The following ETS1 variants were observed in gnomAD, a reference collection of about 807,000 sequenced individuals.
ETS1 encodes the protein protein C-ets-1.
A neutral mutation model predicts 58.6 loss-of-function variants in ETS1; 15 were observed. The observed-to-expected ratio is 0.26, with a 90% CI of 0.17 to 0.39. The LOEUF (loss-of-function observed/expected upper bound fraction) is 0.39, where lower values mean the gene tolerates loss of function less well. Ranked by LOEUF, ETS1 falls within the 10% of genes least tolerant of loss-of-function variation. The probability of loss-of-function intolerance (pLI) is 1.00; values close to 1 mark genes in which losing one functional copy is unlikely to be tolerated. For missense variants in ETS1, 417 were observed against 610.5 expected (o/e 0.68, Z 3.34); for synonymous variants, 214 against 218.2 (o/e 0.98, Z 0.17).
chr11:128,576,711 C>T (rs1286579180), intron 1 of ETS1, among the ~76,000 whole-genome samples: 1 of 152,032 alleles, frequency 6.6e-6, no homozygotes, highest in Admixed American at 6.5e-5. Flanking sequence ...TCTCCAGCCC[C>T]CTCTCGCCGT....
intron 8 of ETS1, among the ~76,000 whole-genome samples, chr11:128,476,870 A>G (rs964543121): frequency 6.6e-6 from 1 of 152,246 alleles, no homozygotes; most frequent in African/African-American, 2.4e-5. Context: ...CATTTGATGT[A>G]TTCTTAACTC....
chr11:128,572,395 GAC>G (rs1254287671), intron 2 of ETS1: 2 of 152,046 alleles, frequency 1.3e-5, no homozygotes, highest in African/African-American at 4.8e-5. Flanking sequence ...AATAATTAAT[GAC>G]ACAGCTGCTG....
At chr11:128,503,954 G>A (rs1206820236) in intron 3 of ETS1, among the ~76,000 whole-genome samples, 1 of 152,146 alleles carries the variant, frequency 6.6e-6, no homozygotes, top group Non-Finnish European at 1.5e-5. Context: ...AACCGATGGT[G>A]CCGCCCCAAC....
At chr11:128,524,767 C>A (rs970907527) in intron 3 of ETS1, among the ~76,000 whole-genome samples, 12 of 152,158 alleles carry the variant, frequency 7.9e-5, no homozygotes, top group Admixed American at 2.6e-4. Flanking sequence ...GAACTATCAA[C>A]TTTTTGGTCA....
rs146204539 is a variant in ETS1, at chr11:128,466,088, T to C, written c.1124-2461A>G. Among the ~76,000 whole-genome samples, 425 of 152,334 alleles carry C rather than the reference T, an allele frequency of 2.8e-3. 3 individuals are homozygous for C. Among genetic ancestry groups the C allele is most frequent in the South Asian group, 0.015 (71 of 4,834 alleles). On this transcript the variant is annotated intron_variant, in intron 8 of 9. Coordinates refer to ENST00000392668, the MANE Select transcript of ETS1 (RefSeq NM_001143820.2). Reference sequence around the variant, plus strand: ...CTCTCTCCCCTACTTCTCACAGCAGTTGCAGGACACGGGATAGCCAGTGGT... The same window carrying C: ...CTCTCTCCCCTACTTCTCACAGCAGCTGCAGGACACGGGATAGCCAGTGGT...
chr11:128,542,504 T>C (rs2135543681), intron 3 of ETS1, among the ~76,000 whole-genome samples: 1 of 152,292 alleles, frequency 6.6e-6, no homozygotes, highest in Non-Finnish European at 1.5e-5. Flanking sequence ...CTAGTTTGAT[T>C]CAGGTTTCTG....
intron 3 of ETS1, among the ~76,000 whole-genome samples, chr11:128,516,989 T>C (rs184850246): frequency 1.9e-3 from 292 of 152,282 alleles, no homozygotes; most frequent in African/African-American, 6.6e-3. Flanking sequence ...CCTTCCTACC[T>C]GTGAGAGAGC....
chr11:128,553,858 G>A (rs552477955), intron 3 of ETS1, among the ~76,000 whole-genome samples: 4 of 152,142 alleles, frequency 2.6e-5, no homozygotes, highest in South Asian at 2.1e-4. Context: ...GAGCATGAAC[G>A]TGAAGGGGGA....
At chr11:128,538,469 G>A (rs899376882) in intron 3 of ETS1, among the ~76,000 whole-genome samples, 5 of 152,012 alleles carry the variant, frequency 3.3e-5, no homozygotes, top group African/African-American at 7.3e-5. Context: ...CCCAAGGACC[G>A]GTACAGTGTT....
chr11:128,463,660 C>G lies in ETS1; in HGVS notation c.1124-33G>C. On this transcript the variant is annotated intron_variant, in intron 8 of 9. Transcript: ENST00000392668. This position sits in a 1 kb window ranked among gnomAD's most constrained non-coding sequence, Gnocchi z 4.1. ...CACAAGCCATTGTGAATCATTACACCAGATATTCAGCACTCTACGCAGCTA... is the reference window on the plus strand; with the variant it reads ...CACAAGCCATTGTGAATCATTACACGAGATATTCAGCACTCTACGCAGCTA... The G allele has an allele frequency of 8.5e-7, 1 of 1,180,816 alleles. No homozygotes were observed. The highest frequency in any genetic ancestry group is 1.3e-6 in the Non-Finnish European group (1 of 785,318). The allele number at this position is 1,180,816 out of a possible 1,614,324, so 73.1% of individuals were successfully genotyped here.
chr11:128,576,206 G>A (rs1864744398), intron 1 of ETS1, among the ~76,000 whole-genome samples: 1 of 152,148 alleles, frequency 6.6e-6, no homozygotes, highest in South Asian at 2.1e-4. Flanking sequence ...GACAGAAATG[G>A]ATTGCTGCTT....
chr11:128,556,207 G>A (rs1591660181), intron 3 of ETS1, 84 bp downstream of exon 3: 1 of 1,198,578 alleles, frequency 8.3e-7, no homozygotes, highest in Middle Eastern at 2.0e-4. Flanking sequence ...CATGGCAGCT[G>A]TTATTTGAAA....
At chr11:128,540,645 C>T (rs756472462) in intron 3 of ETS1, among the ~76,000 whole-genome samples, 1 of 152,150 alleles carries the variant, frequency 6.6e-6, no homozygotes, top group African/African-American at 2.4e-5. Flanking sequence ...TTTCCATGAC[C>T]TTCTTTTCTA....
At position 128,464,941 on chromosome 11, in the gene ETS1, T is replaced by C; in HGVS notation, c.1124-1314A>G. Among the ~76,000 whole-genome samples, 1 of 152,170 alleles carries C rather than the reference T, an allele frequency of 6.6e-6. No individual in the cohort carries two copies. The highest frequency in any genetic ancestry group is 2.1e-4 in the South Asian group (1 of 4,828). On this transcript the variant is annotated intron_variant, in intron 8 of 9. Coordinates refer to ENST00000392668, the MANE Select transcript of ETS1 (RefSeq NM_001143820.2). This position sits in a 1 kb window ranked among gnomAD's most constrained non-coding sequence, Gnocchi z 4.1. Reference sequence around the variant, plus strand: ...GCACAAGTGGTCTTACGGCTTCCTTTCTAATGGTGCAGAAAAAGTGCTCAG... The same window carrying C: ...GCACAAGTGGTCTTACGGCTTCCTTCCTAATGGTGCAGAAAAAGTGCTCAG...
chr11:128,528,212 TTTAA>T (rs1463449875), intron 3 of ETS1, among the ~76,000 whole-genome samples: 3 of 152,184 alleles, frequency 2.0e-5, no homozygotes, highest in African/African-American at 7.2e-5. Flanking sequence ...TATCCCATAC[TTTAA>T]TTAATTGTCT....
At chr11:128,564,457 C>G (rs868651569) in intron 2 of ETS1, among the ~76,000 whole-genome samples, 1 of 152,156 alleles carries the variant, frequency 6.6e-6, no homozygotes, top group Non-Finnish European at 1.5e-5. Flanking sequence ...TAATGCAAAG[C>G]TGTGCTTAGC....
At chr11:128,585,090 G>A (rs1486203299) in intron 1 of ETS1, among the ~76,000 whole-genome samples, 3 of 21,386 alleles carry the variant, frequency 1.4e-4, no homozygotes, top group Admixed American at 4.4e-4. Context: ...AAGAAAGAAA[G>A]GAAAGAAAGA....
intron 3 of ETS1, among the ~76,000 whole-genome samples, chr11:128,517,352 A>C (rs896651980): frequency 5.3e-5 from 8 of 152,272 alleles, no homozygotes; most frequent in Non-Finnish European, 7.3e-5. Flanking sequence ...ACAACATCTC[A>C]TCAGTTTCTA....
At chr11:128,508,092 T>C (rs1186270107) in intron 3 of ETS1, among the ~76,000 whole-genome samples, 2 of 152,184 alleles carry the variant, frequency 1.3e-5, no homozygotes, top group Non-Finnish European at 2.9e-5. Context: ...TTGAAAATAA[T>C]TGAACTGGCC....
Sources: allele counts gnomAD v4.1 joint callset (sites outside exome capture counted in the v4.1 genomes callset), GRCh38; gene constraint gnomAD v4.1.1; non-coding constraint Gnocchi (gnomAD v3.1); transcripts MANE v1.5; gene names NCBI Gene and HGNC (gene_info 2026-07-23, HGNC 2026-07-21).